The following URB1 variants were observed in gnomAD, a reference collection of about 807,000 sequenced individuals.
URB1 encodes nucleolar pre-ribosomal-associated protein 1.
URB1 carries 197 observed loss-of-function variants against 242.3 expected under a neutral mutation model. The ratio of observed to expected loss-of-function variants is 0.81; its 90% CI spans 0.72 to 0.91. The LOEUF (loss-of-function observed/expected upper bound fraction) is 0.91, where lower values mean the gene tolerates loss of function less well. Ranked by LOEUF, URB1 falls within the 40% of genes least tolerant of loss-of-function variation. URB1 has a pLI of 0.00. For missense variants in URB1, 2,721 were observed against 2,860.5 expected (o/e 0.95, Z 1.11); for synonymous variants, 1,153 against 1,201.8 (o/e 0.96, Z 0.84).
chr21:32,334,606 T>G (rs572332106), intron 28 of URB1, among the ~76,000 whole-genome samples: 31 of 152,272 alleles, frequency 2.0e-4, no homozygotes, highest in African/African-American at 6.7e-4. Flanking sequence ...TGTAGATCAA[T>G]TCACTCAATC....
rs1269670301 is a variant in URB1 at position 32,311,918 on chromosome 21, C to T, written c.*3000G>A. ...ACCCCACTCTCCTCTGGGAACTGAC[C>T]CTCAATGGGGGTCCCCTCGTCAGGA... On this transcript the variant is annotated 3_prime_UTR_variant, in exon 39 of 39. Coordinates refer to ENST00000382751, the MANE Select transcript of URB1 (RefSeq NM_014825.3). 1 of 1,613,722 alleles carries T rather than the reference C, an allele frequency of 6.2e-7. No individual in the cohort carries two copies. The highest frequency in any genetic ancestry group is 1.3e-5 in the African/African-American group (1 of 74,934).
intron 28 of URB1, 110 bp from the exon 29 acceptor site, chr21:32,334,444 G>T (rs1329249076): frequency 8.0e-7 from 1 of 1,254,256 alleles, no homozygotes; most frequent in Non-Finnish European, 1.1e-6. Context: ...CACACCAGGT[G>T]CTGTTCTGAG....
rs144955721 is a variant in URB1 at position 32,349,972 on chromosome 21, G to A, written c.2833-489C>T. On this transcript the variant is annotated intron_variant, in intron 20 of 38. Coordinates refer to ENST00000382751, the MANE Select transcript of URB1 (RefSeq NM_014825.3). ...TAGCCAGGCGTGTTGGTGTGCACTTGTTATCCCAGCTACTAGGGAGGCTGA... is the reference window on the plus strand; with the variant it reads ...TAGCCAGGCGTGTTGGTGTGCACTTATTATCCCAGCTACTAGGGAGGCTGA... 5.3e-3 allele frequency among the ~76,000 whole-genome samples: 804 copies of A among 152,196 alleles called. 11 individuals are homozygous for A. The highest frequency in any genetic ancestry group is 0.018 in the African/African-American group (754 of 41,534).
chr21:32,347,367 G>A lies in URB1; in HGVS notation c.3457C>T (p.Leu1153Phe). The A allele has an allele frequency of 6.4e-7, 1 of 1,551,430 alleles. No individual in the cohort carries two copies. The change falls in exon 22 of 39, where the codon CTT becomes TTT. Residue 1153 changes from leucine (L) to phenylalanine (F), a missense_variant. Leu to Phe is a conservative substitution (Grantham distance 22). Coordinates refer to ENST00000382751, the MANE Select transcript of URB1 (RefSeq NM_014825.3). ...SPGKERHLNA[L>F]GKTLVQLLTC... ...AGCAGCTGCACCAGGGTCTTTCCAA[G>A]AGCATTCAGGTGTCTTTCCTTCCCG...
chr21:32,331,058 G>A (rs1464331621), intron 30 of URB1, among the ~76,000 whole-genome samples: 1 of 152,172 alleles, frequency 6.6e-6, no homozygotes, highest in African/African-American at 2.4e-5. Context: ...TTAAAAAGGA[G>A]GAAAACAGGA....
Position 32,319,302 on chromosome 21 carries a change from T to C in URB1, c.5707A>G (p.Ser1903Gly), listed in dbSNP as rs1174724191. The C allele has an allele frequency of 1.3e-6, 2 of 1,551,368 alleles. No homozygotes were observed. The highest frequency in any genetic ancestry group is 1.2e-5 in the South Asian group (1 of 83,964). Reference protein sequence around the residue: ...EWESQRLCQPSSQEPAKRLAL... With the variant: ...EWESQRLCQPGSQEPAKRLAL... ...AGCCGCTTGGCAGGCTCCTGGGAGCTAGGCTGGCAAAGGCGCTGGCTCTCC... is the reference window on the plus strand; with the variant it reads ...AGCCGCTTGGCAGGCTCCTGGGAGCCAGGCTGGCAAAGGCGCTGGCTCTCC... Residue 1903 changes from serine to glycine, a missense_variant, in exon 36 of 39, where the codon AGC becomes GGC. Coordinates refer to ENST00000382751, the MANE Select transcript of URB1 (RefSeq NM_014825.3).
chr21:32,317,090 A>C, intron 37 of URB1, 25 bp from the exon 38 acceptor site: 1 of 1,501,026 alleles, frequency 6.7e-7, no homozygotes, highest in Non-Finnish European at 8.9e-7. Flanking sequence ...AAGAGAAGGT[A>C]ATGAGACTGG....
intron 21 of URB1, among the ~76,000 whole-genome samples, chr21:32,348,597 A>G (rs1246259288): frequency 6.6e-6 from 1 of 152,216 alleles, no homozygotes; most frequent in East Asian, 1.9e-4. Flanking sequence ...AGAGACAGAA[A>G]GAAATTTTCT....
chr21:32,334,460 G>T, intron 28 of URB1, 126 bp from the exon 29 acceptor site: 2 of 1,119,704 alleles, frequency 1.8e-6, no homozygotes, highest in Non-Finnish European at 2.5e-6. Context: ...CTGAGCATGC[G>T]ACGTGTTATA....
chr21:32,385,867 C>A (rs1308288677), intron 1 of URB1, among the ~76,000 whole-genome samples, 183 bp from the exon 2 acceptor site: 1 of 152,058 alleles, frequency 6.6e-6, no homozygotes, highest in East Asian at 1.9e-4. Context: ...AAACCCTAAA[C>A]CCGGCCGGGC....
At position 32,316,837 on chromosome 21, in the gene URB1, T is replaced by G; in HGVS notation, c.6263A>C (p.Asp2088Ala). 1 of 1,547,962 alleles carries G rather than the reference T, an allele frequency of 6.5e-7. No individual in the cohort carries two copies. The highest frequency in any genetic ancestry group is 8.7e-7 in the Non-Finnish European group (1 of 1,144,580). The change falls in exon 38 of 39, where the codon GAT becomes GCT. Residue 2088 changes from aspartate to alanine, a missense_variant. Coordinates refer to ENST00000382751, the MANE Select transcript of URB1 (RefSeq NM_014825.3). The stretch of plus-strand genomic sequence containing the variant: ...GGCAGCATATACGGGGCCTGGCGCA[T>G]CGCTCTCGGGGCTGGCTGAGTCCAC... The part of the protein sequence containing the change: ...EPVDSASPES[D>A]APGPVYAAAS...
At chr21:32,380,675 T>A (rs1555842242) in intron 4 of URB1, among the ~76,000 whole-genome samples, 1 of 151,666 alleles carries the variant, frequency 6.6e-6, no homozygotes, top group Non-Finnish European at 1.5e-5. Flanking sequence ...AAACATACCA[T>A]CTAATTCAAG....
chr21:32,320,611 A>G lies in URB1; in HGVS notation c.5514T>C (p.Ala1838=). 2 of 1,551,844 alleles carry G rather than the reference A, an allele frequency of 1.3e-6. No homozygotes were observed. The highest frequency in any genetic ancestry group is 1.7e-6 in the Non-Finnish European group (2 of 1,147,006). ...QNWILEILQN[A]AQVARSAYEI... Reference sequence around the variant, plus strand: ...CATACGCAGATCTGGCAACCTGGGCAGCATTCTGTAGAATTTCCAGAATCC... The same window carrying G: ...CATACGCAGATCTGGCAACCTGGGCGGCATTCTGTAGAATTTCCAGAATCC... Residue 1838 remains alanine (A), a synonymous_variant, in exon 35 of 39, where the codon GCT becomes GCC. Transcript: ENST00000382751.
chr21:32,368,404 T>C lies in URB1; in HGVS notation c.1196A>G (p.Lys399Arg), dbSNP rs1209422978. ...TWLNNIKLLN[K>R]IYEAQPEISR... ...CTTTTAAATATCATGTTTTTTTACCTTGTTTAGTAGTTTGATATTATTTAA... is the reference window on the plus strand; with the variant it reads ...CTTTTAAATATCATGTTTTTTTACCCTGTTTAGTAGTTTGATATTATTTAA... Residue 399 changes from lysine (K) to arginine (R), a missense_variant and splice_region_variant, in exon 9 of 39, where the codon AAG (lysine) becomes AGG (arginine). Lys to Arg is a conservative substitution (Grantham distance 26). Transcript: ENST00000382751. 3.9e-6 allele frequency: 6 copies of C among 1,535,078 alleles called. No homozygotes were observed. Among genetic ancestry groups the C allele is most frequent in the Non-Finnish European group, 5.3e-6 (6 of 1,138,982 alleles).
chr21:32,360,954 C>T, intron 13 of URB1, 53 bp downstream of exon 13: 1 of 1,344,632 alleles, frequency 7.4e-7, no homozygotes, highest in East Asian at 2.5e-5. Context: ...GGGCTCTGCT[C>T]TGGTTTATTG....
chr21:32,337,011 G>A, intron 28 of URB1, 83 bp downstream of exon 28: 1 of 1,365,944 alleles, frequency 7.3e-7, no homozygotes. Context: ...AATGGAATGA[G>A]AGAAAATCTC....
intron 10 of URB1, among the ~76,000 whole-genome samples, chr21:32,365,281 C>T (rs1268265062): frequency 6.6e-6 from 1 of 151,890 alleles, no homozygotes; most frequent in Non-Finnish European, 1.5e-5. Context: ...ACTGTCTATA[C>T]AAAAAATAAA....
intron 10 of URB1, 67 bp downstream of exon 10, chr21:32,366,551 T>C: frequency 6.5e-7 from 1 of 1,539,006 alleles, no homozygotes; most frequent in Non-Finnish European, 8.8e-7. Context: ...CTCAGAATAA[T>C]CACATCATGT....
At position 32,344,793 on chromosome 21, in the gene URB1, G is replaced by C. The variant is rs1416411602; in HGVS notation, c.4071-37C>G. ...GATGAGAGTCAGAGACAGAGAGCAG[G>C]TTTAAATCCTTCTGACTTTACGTAT... On this transcript the variant is annotated intron_variant, in intron 23 of 38. Coordinates refer to ENST00000382751, the MANE Select transcript of URB1 (RefSeq NM_014825.3). 2.0e-6 allele frequency: 3 copies of C among 1,533,596 alleles called. No individual in the cohort carries two copies. In the African/African-American group the frequency reaches 4.1e-5, roughly 21 times the overall value. 95.0% of individuals were successfully genotyped at this position (1,533,596 alleles called of 1,614,324 possible). A position where few individuals can be genotyped will look rare whatever the true frequency, so the allele number is the denominator to read the frequency against.
Sources: gnomAD v4.1 joint callset for allele counts (sites outside exome capture counted in the v4.1 genomes callset) on GRCh38, gnomAD v4.1.1 for gene constraint, MANE v1.5 for transcripts, NCBI Gene and HGNC (gene_info 2026-07-23, HGNC 2026-07-21) for gene names.